Variants in THRAP3 observed in about 807,000 individuals in gnomAD.
THRAP3 encodes thyroid hormone receptor associated protein 3.
Under a neutral mutation model 101.0 loss-of-function variants are expected in THRAP3, and 16 were observed. That is an observed-to-expected ratio of 0.16 (90% CI 0.11 to 0.24). THRAP3 has a LOEUF of 0.24. Among genes scored for constraint, THRAP3 ranks in the 10% least tolerant of loss-of-function variants. The probability of loss-of-function intolerance (pLI) is 1.00; values close to 1 mark genes in which losing one functional copy is unlikely to be tolerated. For missense variants in THRAP3, 989 were observed against 1,202.7 expected, an observed-to-expected ratio of 0.82 and a Z score of 2.63; for synonymous variants, 407 against 422.6, an observed-to-expected ratio of 0.96 and a Z score of 0.45.
rs1198834785 is a variant in THRAP3, at chr1:36,289,392, G to A, written c.1373G>A (p.Gly458Asp). The change falls in exon 5 of 12, where the codon GGT (glycine) becomes GAT (aspartate). Residue 458 changes from glycine to aspartate, a missense_variant. Transcript: ENST00000354618. ...DEPKFMSKVI[G>D]ANKNQEEEKS... ...CCCAAATTTATGTCTAAAGTCATAG[G>A]TGCAAACAAAAACCAGGAGGAGGAG... The A allele has an allele frequency of 6.2e-7, 1 of 1,614,192 alleles. No homozygotes were observed. Among genetic ancestry groups the A allele is most frequent in the Non-Finnish European group, 8.5e-7 (1 of 1,180,032 alleles).
At chr1:36,273,805 G>T (rs1313741123) in intron 2 of THRAP3, among the ~76,000 whole-genome samples, 1 of 152,142 alleles carries the variant, frequency 6.6e-6, no homozygotes. Flanking sequence ...ACTTTGGGAG[G>T]CCGAGGTGGC....
rs947740568 is a variant in THRAP3, at chr1:36,289,487, C to T, written c.1468C>T (p.Leu490=). Residue 490 remains leucine (L), a synonymous_variant, in exon 5 of 12, where the codon CTG becomes TTG. Coordinates refer to ENST00000354618, the MANE Select transcript of THRAP3 (RefSeq NM_005119.4). ...GGAAAAGCAGAGAAAAACAGAGGAG[C>T]TGGAGGAGGAGTCTTTCCCAGAGAG... ...GKEKQRKTEE[L]EEESFPERSK... 1.9e-6 allele frequency: 3 copies of T among 1,614,046 alleles called. No homozygotes were observed. In the African/African-American group the frequency reaches 4.0e-5, roughly 22 times the overall value.
intron 1 of THRAP3, among the ~76,000 whole-genome samples, chr1:36,237,646 C>T (rs1645107066): frequency 1.3e-5 from 2 of 152,018 alleles, no homozygotes; most frequent in South Asian, 4.1e-4. Context: ...TGGCGGGCGC[C>T]TGTAATCCCA....
At chr1:36,231,185 C>T (rs1161349452) in intron 1 of THRAP3, among the ~76,000 whole-genome samples, 4 of 151,444 alleles carry the variant, frequency 2.6e-5, no homozygotes, top group Non-Finnish European at 4.4e-5. Flanking sequence ...TTATATCCTT[C>T]GTTTGTTTCT....
chr1:36,300,834 G>T, intron 9 of THRAP3, 52 bp from the exon 10 acceptor site: 8 of 1,587,300 alleles, frequency 5.0e-6, no homozygotes, highest in Non-Finnish European at 6.9e-6. Flanking sequence ...CCCCAGCCAA[G>T]CAGTGTCCCT....
intron 2 of THRAP3, among the ~76,000 whole-genome samples, chr1:36,280,474 G>C (rs957164717): frequency 3.3e-5 from 5 of 152,188 alleles, no homozygotes; most frequent in African/African-American, 1.2e-4. Context: ...TTTTTGACTG[G>C]GTGGTCAGGG....
intron 2 of THRAP3, among the ~76,000 whole-genome samples, chr1:36,268,871 G>A (rs182831837): frequency 3.9e-5 from 6 of 152,032 alleles, no homozygotes; most frequent in African/African-American, 9.6e-5. Flanking sequence ...GACTACAGGC[G>A]CCCGCCACCA....
upstream of THRAP3, among the ~76,000 whole-genome samples, chr1:36,220,972 A>AAAAAAAAAATATATAT (rs1285765741): frequency 1.1e-4 from 10 of 94,116 alleles, no homozygotes; most frequent in African/African-American, 3.8e-4. Flanking sequence ...AAAAAAAAAA[A>AAAAAAAAAATATATAT]ATATATATAT....
Position 36,286,075 on chromosome 1 carries a change from C to T in THRAP3, c.138-293C>T, listed in dbSNP as rs1015854163. ...AAATGGTCTTTGTGTGGTTTACTAC[C>T]TTAAGAAAATGTTGATAGTTTTTCA... On this transcript the variant is annotated intron_variant, in intron 3 of 11. Transcript: ENST00000354618. This position sits in a 1 kb window ranked among gnomAD's most constrained non-coding sequence, Gnocchi z 5.5. Among the ~76,000 whole-genome samples, 3 of 152,144 alleles carry T rather than the reference C, an allele frequency of 2.0e-5. No individual in the cohort carries two copies. The highest frequency in any genetic ancestry group is 1.3e-4 in the Admixed American group (2 of 15,264).
chr1:36,293,640 C>CTGTGTGTGTGTGTGTT (rs1553125102), intron 7 of THRAP3, among the ~76,000 whole-genome samples: 3 of 133,314 alleles, frequency 2.3e-5, no homozygotes, highest in Non-Finnish European at 3.2e-5. Context: ...GAACCTGGGA[C>CTGTGTGTGTGTGTGTT]TGTGTGTGTG....
At chr1:36,273,214 C>T (rs147757470) in intron 2 of THRAP3, among the ~76,000 whole-genome samples, 1 of 152,304 alleles carries the variant, frequency 6.6e-6, no homozygotes, top group African/African-American at 2.4e-5. Context: ...GTAGCATTAT[C>T]TAATCTGGAA....
At chr1:36,217,217 G>C in the THRAP3 span, among the ~76,000 whole-genome samples, 1 of 152,152 alleles carries the variant, frequency 6.6e-6, no homozygotes, top group Non-Finnish European at 1.5e-5. Flanking sequence ...AGAAGAGTTC[G>C]GTTTCTGGCA....
At position 36,282,517 on chromosome 1, in the gene THRAP3, C is replaced by G; in HGVS notation, c.-31-16C>G. The stretch of plus-strand genomic sequence containing the variant: ...AGGAACTCACTCATTTGTTCTAATG[C>G]ATTTTCTTACATTAGGTGTAATTGA... On this transcript the variant is annotated splice_polypyrimidine_tract_variant and intron_variant, in intron 2 of 11. Coordinates refer to ENST00000354618, the MANE Select transcript of THRAP3 (RefSeq NM_005119.4). 6.3e-7 allele frequency: 1 copy of G among 1,578,292 alleles called. No individual in the cohort carries two copies.
chr1:36,237,450 A>G (rs1171378577), intron 1 of THRAP3, among the ~76,000 whole-genome samples: 2 of 140,388 alleles, frequency 1.4e-5, no homozygotes, highest in African/African-American at 2.7e-5. Flanking sequence ...GCTGGGTGGC[A>G]GGAGTGAAAC....
intron 1 of THRAP3, among the ~76,000 whole-genome samples, chr1:36,234,022 C>T (rs907158219): frequency 6.6e-6 from 1 of 151,828 alleles, no homozygotes; most frequent in Non-Finnish European, 1.5e-5. Context: ...GTGGCGTGAT[C>T]ACGGCTAACC....
chr1:36,274,499 T>G (rs1645630482), intron 2 of THRAP3, among the ~76,000 whole-genome samples: 1 of 152,194 alleles, frequency 6.6e-6, no homozygotes, highest in African/African-American at 2.4e-5. Context: ...CTCACTTTTT[T>G]TTATTTAAAA....
intron 5 of THRAP3, 54 bp downstream of exon 5, chr1:36,289,818 C>T (rs1645843024): frequency 1.3e-6 from 2 of 1,528,792 alleles, no homozygotes; most frequent in Non-Finnish European, 1.8e-6. Flanking sequence ...AGTGGTGTCG[C>T]CTAGCCTTTC....
chr1:36,210,521 T>C, the THRAP3 span, among the ~76,000 whole-genome samples: 50 of 146,526 alleles, frequency 3.4e-4, no homozygotes, highest in East Asian at 4.0e-4. Context: ...AAACCCTGTC[T>C]CTACTAAAAA....
At chr1:36,297,411 A>C (rs1645966649) in intron 9 of THRAP3, among the ~76,000 whole-genome samples, 1 of 147,358 alleles carries the variant, frequency 6.8e-6, no homozygotes, top group African/African-American at 2.5e-5. Context: ...AAGAAGCAAC[A>C]CTTCTGCTGA....
Sources: gnomAD v4.1 joint callset for allele counts (sites outside exome capture counted in the v4.1 genomes callset) on GRCh38, gnomAD v4.1.1 for gene constraint, Gnocchi (gnomAD v3.1) non-coding constraint, MANE v1.5 for transcripts, NCBI Gene and HGNC (gene_info 2026-07-23, HGNC 2026-07-21) for gene names.